COL19A1: variants seen among roughly 807,000 people sequenced by gnomAD.
The protein encoded by COL19A1 is collagen alpha-1(XIX) chain.
Under a neutral mutation model 190.2 loss-of-function variants are expected in COL19A1, and 159 were observed. The ratio of observed to expected loss-of-function variants is 0.84; its 90% confidence interval spans 0.73 to 0.95. The LOEUF is 0.95. COL19A1 is among the 40% of genes least tolerant of loss of function. The pLI is 0.00. For synonymous variants in COL19A1, 509 were observed against 458.9 expected (o/e 1.11, Z -1.39); for missense variants, 1,418 against 1,431.9 (o/e 0.99, Z 0.16).
rs928308728 is a variant in COL19A1, at chr6:70,210,983, C to T, written c.*3709C>T. The stretch of plus-strand genomic sequence containing the variant: ...GTCATAACTGTTTATACACCACTCT[C>T]ATATTTTAGTGATCAATATGAAGAC... On this transcript the variant is annotated 3_prime_UTR_variant, in exon 51 of 51. Coordinates refer to ENST00000620364, the MANE Select transcript of COL19A1 (RefSeq NM_001858.6). Among the ~76,000 whole-genome samples, 2 of 152,036 alleles carry T rather than the reference C, an allele frequency of 1.3e-5. No homozygotes were observed. The highest frequency in any genetic ancestry group is 2.4e-5 in the African/African-American group (1 of 41,410).
At chr6:70,060,071 T>C (rs769335889) in intron 14 of COL19A1, among the ~76,000 whole-genome samples, 11 of 152,180 alleles carry the variant, frequency 7.2e-5, no homozygotes, top group Non-Finnish European at 1.3e-4. Context: ...AGAGATGCTG[T>C]TACAATGGTA....
intron 9 of COL19A1, among the ~76,000 whole-genome samples, chr6:69,945,710 TG>T (rs1224633263): frequency 2.0e-5 from 3 of 152,020 alleles, no homozygotes; most frequent in Non-Finnish European, 4.4e-5. Context: ...TATAATCTCA[TG>T]TAATCTACAG....
intron 6 of COL19A1, among the ~76,000 whole-genome samples, chr6:69,930,691 G>A (rs558938238): frequency 2.0e-5 from 3 of 152,174 alleles, no homozygotes; most frequent in African/African-American, 4.8e-5. Flanking sequence ...GGTGGCACAC[G>A]CCTGTAATCC....
chr6:70,144,646 T>G (rs1173697141), intron 24 of COL19A1, among the ~76,000 whole-genome samples: 1 of 152,162 alleles, frequency 6.6e-6, no homozygotes, highest in South Asian at 2.1e-4. Flanking sequence ...CTATAGAAAT[T>G]TATTAATAGA....
At chr6:70,103,588 AAT>A (rs1484862434) in intron 16 of COL19A1, among the ~76,000 whole-genome samples, 1 of 152,212 alleles carries the variant, frequency 6.6e-6, no homozygotes, top group African/African-American at 2.4e-5. Context: ...CTTCTTTTGT[AAT>A]CAGTAATCTT....
At chr6:69,883,162 G>C (rs1194946429) in intron 2 of COL19A1, among the ~76,000 whole-genome samples, 1 of 152,236 alleles carries the variant, frequency 6.6e-6, no homozygotes, top group Non-Finnish European at 1.5e-5. Flanking sequence ...TTGGCATGTG[G>C]AAGAAATAGC....
chr6:70,191,407 T>C lies in COL19A1; in HGVS notation c.3094+1026T>C, dbSNP rs11756354. Among the ~76,000 whole-genome samples, 754 of 152,250 alleles carry C rather than the reference T, an allele frequency of 5.0e-3. 6 individuals carry two copies. Among genetic ancestry groups the C allele is most frequent in the Non-Finnish European group, 7.9e-3 (539 of 68,024 alleles). ...TCCAACCTGAAGATGTCTTTTGAAA[T>C]GTTGTCTCTTGAAGAGCAGGTTGGC... is the stretch of plus-strand genomic sequence containing the variant. On this transcript the variant is annotated intron_variant, in intron 48 of 50. Transcript: ENST00000620364.
Position 69,964,740 on chromosome 6 carries a change from C to T in COL19A1, c.1026+1870C>T, listed in dbSNP as rs182912563. 2.8e-4 allele frequency among the ~76,000 whole-genome samples: 43 copies of T among 152,128 alleles called. No homozygotes were observed. In the East Asian group the frequency reaches 8.3e-3, roughly 29 times the overall value. On this transcript the variant is annotated intron_variant, in intron 11 of 50. Transcript: ENST00000620364. ...TTAAATATATTAGAAAAAAATAAAG[C>T]ATCAAACAGAAAAGACAATATGTAC...
intron 48 of COL19A1, among the ~76,000 whole-genome samples, chr6:70,194,722 T>G (rs1767083792): frequency 6.6e-6 from 1 of 152,274 alleles, no homozygotes; most frequent in Middle Eastern, 3.4e-3. Context: ...TGTCCTATTA[T>G]GCTTGGGAAT....
chr6:70,162,580 C>T (rs1787876552), intron 35 of COL19A1, among the ~76,000 whole-genome samples: 1 of 152,126 alleles, frequency 6.6e-6, no homozygotes, highest in South Asian at 2.1e-4. Flanking sequence ...TTCAGATAAA[C>T]AAATAATTGT....
intron 41 of COL19A1, among the ~76,000 whole-genome samples, chr6:70,175,191 A>G (rs1025395685): frequency 1.3e-5 from 2 of 152,166 alleles, no homozygotes; most frequent in African/African-American, 4.8e-5. Context: ...GCTATGCTCC[A>G]TACGTTAAAG....
At chr6:70,166,582 C>T (rs553801350) in intron 37 of COL19A1, among the ~76,000 whole-genome samples, 4 of 152,322 alleles carry the variant, frequency 2.6e-5, no homozygotes, top group South Asian at 4.1e-4. Flanking sequence ...GAATCGCAGC[C>T]GAGCCGAGCT....
At chr6:70,194,657 C>T (rs1163136329) in intron 48 of COL19A1, among the ~76,000 whole-genome samples, 2 of 152,154 alleles carry the variant, frequency 1.3e-5, no homozygotes, top group African/African-American at 4.8e-5. Context: ...AGTGATGCTG[C>T]CCACACAAAT....
intron 49 of COL19A1, among the ~76,000 whole-genome samples, chr6:70,206,348 G>A (rs1448962552): frequency 6.6e-6 from 1 of 152,164 alleles, no homozygotes; most frequent in South Asian, 2.1e-4. Flanking sequence ...ACTAGTTGGG[G>A]CTGGGCATGG....
intron 4 of COL19A1, among the ~76,000 whole-genome samples, chr6:69,909,600 C>T (rs1247381399): frequency 6.6e-6 from 1 of 152,038 alleles, no homozygotes; most frequent in Non-Finnish European, 1.5e-5. Flanking sequence ...GAGGTTAAGA[C>T]ATGGAAAAAT....
intron 5 of COL19A1, 124 bp from the exon 6 acceptor site, chr6:69,929,301 C>A: frequency 1.1e-6 from 1 of 894,720 alleles, no homozygotes. Context: ...ACACAAGTGT[C>A]ATCTAAAATA....
chr6:70,158,800 G>T (rs1007695093), intron 34 of COL19A1, among the ~76,000 whole-genome samples: 8 of 152,022 alleles, frequency 5.3e-5, no homozygotes, highest in Admixed American at 5.2e-4. Flanking sequence ...AGCTCCAATG[G>T]TCTCCAAATA....
chr6:70,007,015 C>A (rs1777678901), intron 11 of COL19A1, among the ~76,000 whole-genome samples: 1 of 151,992 alleles, frequency 6.6e-6, no homozygotes, highest in African/African-American at 2.4e-5. Context: ...AGAGAAAGAA[C>A]AGGGGAGCAA....
At chr6:70,118,447 T>C (rs1442061182) in intron 16 of COL19A1, among the ~76,000 whole-genome samples, 1 of 152,172 alleles carries the variant, frequency 6.6e-6, no homozygotes, top group Admixed American at 6.5e-5. Context: ...CTCTTTCTAG[T>C]CTCTGAAGGG....
Sources: allele counts gnomAD v4.1 joint callset (sites outside exome capture counted in the v4.1 genomes callset), GRCh38; gene constraint gnomAD v4.1.1; transcripts MANE v1.5; gene names NCBI Gene and HGNC (gene_info 2026-07-23, HGNC 2026-07-21).